CYP20A1: variants seen among roughly 807,000 people sequenced by gnomAD.
CYP20A1 encodes the protein cytochrome P450 family 20 subfamily A member 1.
A neutral mutation model predicts 61.4 loss-of-function variants in CYP20A1; 61 were observed. The ratio of observed to expected loss-of-function variants is 0.99; its 90% CI spans 0.81 to 1.23. The LOEUF (loss-of-function observed/expected upper bound fraction) is 1.23, where lower values mean the gene tolerates loss of function less well. CYP20A1 is among the 50% of genes most tolerant of loss of function. The pLI, the probability that CYP20A1 is intolerant of heterozygous loss-of-function variation, is 0.00. For missense variants in CYP20A1, 530 were observed against 542.4 expected, an observed-to-expected ratio of 0.98 and a Z score of 0.23; for synonymous variants, 193 against 188.2, an observed-to-expected ratio of 1.03 and a Z score of -0.21.
Position 203,302,002 on chromosome 2 carries a change from T to C in CYP20A1, c.*5094T>C, listed in dbSNP as rs2069045121. ...GTGCCATGGCACCATCTCGGCTCAC[T>C]GCAACCTCTGCTTCCCAGGTTCAAG... On this transcript the variant is annotated 3_prime_UTR_variant, in exon 13 of 13. Coordinates refer to ENST00000356079, the MANE Select transcript of CYP20A1 (RefSeq NM_177538.3). Among the ~76,000 whole-genome samples, 2 of 144,680 alleles carry C rather than the reference T, an allele frequency of 1.4e-5. No homozygotes were observed. 94.9% of individuals were successfully genotyped at this position (144,680 alleles called of 152,430 possible).
chr2:203,280,061 C>A lies in CYP20A1; in HGVS notation c.798C>A (p.Ile266=), dbSNP rs759494065. 18 of 1,602,146 alleles carry A rather than the reference C, an allele frequency of 1.1e-5. No homozygotes were observed. Among genetic ancestry groups the A allele is most frequent in the Admixed American group, 3.4e-5 (2 of 58,686 alleles). Residue 266 remains isoleucine, a splice_region_variant and synonymous_variant, in exon 8 of 13, where the codon ATC becomes ATA. Coordinates refer to ENST00000356079, the MANE Select transcript of CYP20A1 (RefSeq NM_177538.3). ...CTAAACTTAGTTTTGTTTCCTAGATCCTAGAAGACAGTATGATATTTTCTC... is the reference window on the plus strand; with the variant it reads ...CTAAACTTAGTTTTGTTTCCTAGATACTAGAAGACAGTATGATATTTTCTC... ...LVQGNLNDQQ[I]LEDSMIFSLA...
intron 5 of CYP20A1, among the ~76,000 whole-genome samples, chr2:203,269,955 G>A (rs191967521): frequency 6.6e-6 from 1 of 152,196 alleles, no homozygotes; most frequent in East Asian, 1.9e-4. Flanking sequence ...TACTTGTGAG[G>A]TTAAACATCT....
chr2:203,254,342 C>G (rs1005054754), intron 4 of CYP20A1, among the ~76,000 whole-genome samples: 1 of 151,970 alleles, frequency 6.6e-6, no homozygotes, highest in Non-Finnish European at 1.5e-5. Flanking sequence ...GTCAGGAGTT[C>G]GAGACTGGCC....
In CYP20A1 at chr2:203,273,378, A is replaced by G. The variant is rs370692374; in HGVS notation, c.679+630A>G. On this transcript the variant is annotated intron_variant, in intron 6 of 12. Coordinates refer to ENST00000356079, the MANE Select transcript of CYP20A1 (RefSeq NM_177538.3). ...CATAAATAATGGATGAAATTATATG[A>G]AAGAAGACAATATTCATGAAGATAT... 4.7e-4 allele frequency among the ~76,000 whole-genome samples: 71 copies of G among 152,334 alleles called. 1 individual carries two copies. The East Asian group carries it at 5.2e-3, about 11-fold the overall frequency.
intron 9 of CYP20A1, among the ~76,000 whole-genome samples, chr2:203,288,177 T>A (rs1430525061): frequency 6.7e-6 from 1 of 148,334 alleles, no homozygotes; most frequent in Non-Finnish European, 1.5e-5. Context: ...ACGATTCTCA[T>A]GCCGCAGCTT....
chr2:203,296,154 C>T (rs2068787815), intron 11 of CYP20A1, among the ~76,000 whole-genome samples: 1 of 152,004 alleles, frequency 6.6e-6, no homozygotes, highest in East Asian at 1.9e-4. Flanking sequence ...GTCACAGCTA[C>T]TCAGGAAGCT....
At chr2:203,247,565 A>C (rs1282011812) in intron 3 of CYP20A1, among the ~76,000 whole-genome samples, 2 of 152,154 alleles carry the variant, frequency 1.3e-5, no homozygotes, top group African/African-American at 4.8e-5. Flanking sequence ...AATCCTAAAA[A>C]GAGTATTAAT....
chr2:203,270,605 C>T (rs1307649762), intron 5 of CYP20A1, among the ~76,000 whole-genome samples: 1 of 151,796 alleles, frequency 6.6e-6, no homozygotes, highest in Admixed American at 6.6e-5. Flanking sequence ...TTCAGTATCA[C>T]AAATGTTACT....
chr2:203,301,217 G>A lies in CYP20A1; in HGVS notation c.*4309G>A, dbSNP rs1217299508. Among the ~76,000 whole-genome samples, 4 of 148,014 alleles carry A rather than the reference G, an allele frequency of 2.7e-5. No individual in the cohort carries two copies. The highest frequency in any genetic ancestry group is 7.4e-5 in the African/African-American group (3 of 40,672). On this transcript the variant is annotated 3_prime_UTR_variant, in exon 13 of 13. Coordinates refer to ENST00000356079, the MANE Select transcript of CYP20A1 (RefSeq NM_177538.3). The stretch of plus-strand genomic sequence containing the variant: ...ATCCAAAAAAAAAAAAAAACCATAC[G>A]TACATAACTTTTTTTCTTTTTCTTT...
intron 4 of CYP20A1, among the ~76,000 whole-genome samples, chr2:203,252,360 G>C (rs1386636568): frequency 2.1e-5 from 2 of 94,084 alleles, no homozygotes; most frequent in Non-Finnish European, 4.6e-5. Flanking sequence ...AGAAGTTTCT[G>C]TATGTATGTA....
At chr2:203,272,417 C>T (rs927795244) in intron 5 of CYP20A1, among the ~76,000 whole-genome samples, 1 of 151,866 alleles carries the variant, frequency 6.6e-6, no homozygotes, top group Non-Finnish European at 1.5e-5. Flanking sequence ...TGGCACACAA[C>T]TGTAGTCCCA....
intron 8 of CYP20A1, among the ~76,000 whole-genome samples, chr2:203,281,641 A>G (rs1392523701): frequency 6.6e-6 from 1 of 152,104 alleles, no homozygotes; most frequent in East Asian, 1.9e-4. Flanking sequence ...TCTCTACTAA[A>G]AATACAAAAA....
intron 11 of CYP20A1, 87 bp downstream of exon 11, chr2:203,292,413 C>A: frequency 1.1e-6 from 1 of 895,998 alleles, no homozygotes. Flanking sequence ...GAGTAGAAAA[C>A]TCAATATGTA....
chr2:203,253,716 G>T (rs1237014616), intron 4 of CYP20A1, among the ~76,000 whole-genome samples: 2 of 152,114 alleles, frequency 1.3e-5, no homozygotes, highest in Non-Finnish European at 2.9e-5. Context: ...ACAAGAACTG[G>T]TTAAATACAG....
At chr2:203,243,878 C>T (rs1434090675) in intron 1 of CYP20A1, among the ~76,000 whole-genome samples, 2 of 151,878 alleles carry the variant, frequency 1.3e-5, no homozygotes, top group African/African-American at 2.4e-5. Context: ...TTTAAAGAGA[C>T]GGGGTTTCCC....
intron 10 of CYP20A1, 137 bp from the exon 11 acceptor site, chr2:203,292,125 T>C (rs1280065181): frequency 1.9e-6 from 1 of 515,370 alleles, no homozygotes; most frequent in African/African-American, 1.9e-5. Context: ...AATAATCACT[T>C]GTGGTTTCTT....
Position 203,239,100 on chromosome 2 carries a change from T to C in CYP20A1, c.38T>C (p.Leu13Pro), listed in dbSNP as rs1490818087. Reference protein sequence around the residue: ...DFAIFAVTFLLALVGAVLYLY... With the variant: ...DFAIFAVTFLPALVGAVLYLY... Reference sequence around the variant, plus strand: ...GCGATCTTCGCCGTTACCTTCTTGCTGGCGTTGGTGGGAGCCGTGCTCTAC... The same window carrying C: ...GCGATCTTCGCCGTTACCTTCTTGCCGGCGTTGGTGGGAGCCGTGCTCTAC... The change falls in exon 1 of 13, where the codon CTG becomes CCG. Residue 13 changes from leucine to proline, a missense_variant. Physicochemically the swap from Leu to Pro is moderately conservative, Grantham distance 98. Transcript: ENST00000356079. 2 of 1,613,682 alleles carry C rather than the reference T, an allele frequency of 1.2e-6. No homozygotes were observed. Among genetic ancestry groups the C allele is most frequent in the Non-Finnish European group, 1.7e-6 (2 of 1,179,824 alleles).
rs1462343329 is a variant in CYP20A1, at chr2:203,304,670, T to TGTAATCC, written c.*7762_*7763insGTAATCC. Among the ~76,000 whole-genome samples the TGTAATCC allele has an allele frequency of 6.6e-6, 1 of 152,208 alleles. No individual in the cohort carries two copies. The highest frequency in any genetic ancestry group is 2.4e-5 in the African/African-American group (1 of 41,460). ...ACATTTTCCAGCTGGGTGTGGTGGC[T>TGTAATCC]CATGCCTGTAATCCCAACACTTGGA... On this transcript the variant is annotated 3_prime_UTR_variant, in exon 13 of 13. Transcript: ENST00000356079.
At chr2:203,288,417 A>G (rs1192016948) in intron 9 of CYP20A1, among the ~76,000 whole-genome samples, 1 of 151,866 alleles carries the variant, frequency 6.6e-6, no homozygotes, top group Non-Finnish European at 1.5e-5. Context: ...AGCTGCTCCT[A>G]CCTTATATTC....
Sources: allele counts gnomAD v4.1 joint callset (sites outside exome capture counted in the v4.1 genomes callset), GRCh38; gene constraint gnomAD v4.1.1; transcripts MANE v1.5; gene names NCBI Gene and HGNC (gene_info 2026-07-23, HGNC 2026-07-21).